The following ZC3H12D variants were observed in gnomAD, a reference collection of about 807,000 sequenced individuals.
ZC3H12D encodes the protein zinc finger CCCH-type containing 12D.
A neutral mutation model predicts 24.2 loss-of-function variants in ZC3H12D; 11 were observed. The observed-to-expected ratio is 0.46, with a 90% CI of 0.29 to 0.75. The LOEUF is 0.75. Ranked by LOEUF, ZC3H12D falls within the 30% of genes least tolerant of loss-of-function variation. The probability of loss-of-function intolerance (pLI) is 0.11; values close to 1 mark genes in which losing one functional copy is unlikely to be tolerated. For missense variants in ZC3H12D, 740 were observed against 767.7 expected (o/e 0.96, Z 0.43); for synonymous variants, 333 against 341.8 (o/e 0.97, Z 0.28).
rs182579747 is a variant in ZC3H12D at position 149,463,499 on chromosome 6, A to T, written c.306-1529T>A. Among the ~76,000 whole-genome samples the T allele has an allele frequency of 2.6e-5, 4 of 152,314 alleles. No homozygotes were observed. In the East Asian group the frequency reaches 7.7e-4, roughly 29 times the overall value. On this transcript the variant is annotated intron_variant, in intron 2 of 5. Coordinates refer to ENST00000409806, the MANE Select transcript of ZC3H12D (RefSeq NM_207360.3). ...GCCGAGGCAGGTGGATCATGAGGTCAGGAGATCAAGACCATCCTGGCCAAC... is the reference window on the plus strand; with the variant it reads ...GCCGAGGCAGGTGGATCATGAGGTCTGGAGATCAAGACCATCCTGGCCAAC...
chr6:149,473,134 G>GAA (rs34279229), intron 2 of ZC3H12D, among the ~76,000 whole-genome samples: 8 of 46,130 alleles, frequency 1.7e-4, no homozygotes, highest in Non-Finnish European at 2.6e-4. Flanking sequence ...GGTTAAAAGT[G>GAA]AAAAAAAAAA....
intron 1 of ZC3H12D, among the ~76,000 whole-genome samples, chr6:149,481,099 C>T (rs913839144): frequency 6.6e-6 from 1 of 150,542 alleles, no homozygotes; most frequent in African/African-American, 2.5e-5. Context: ...AGCCCAAAGG[C>T]TTCCAGTCAG....
At chr6:149,463,546 T>C (rs1032415223) in intron 2 of ZC3H12D, among the ~76,000 whole-genome samples, 1 of 152,098 alleles carries the variant, frequency 6.6e-6, no homozygotes, top group Non-Finnish European at 1.5e-5. Context: ...CTGTCTCTAC[T>C]AAAAATACAA....
chr6:149,474,833 GGCA>G (rs1184700138), intron 1 of ZC3H12D, among the ~76,000 whole-genome samples: 4 of 152,194 alleles, frequency 2.6e-5, no homozygotes, highest in Admixed American at 6.5e-5. Flanking sequence ...CACACTGCCC[GGCA>G]GGGCACACAC....
rs1348191897 is a variant in ZC3H12D, at chr6:149,450,060, C to T, written c.*623G>A. 1.3e-5 allele frequency: 2 copies of T among 152,240 alleles called. No individual in the cohort carries two copies. The highest frequency in any genetic ancestry group is 2.9e-5 in the Non-Finnish European group (2 of 68,114). 9.4% of individuals were successfully genotyped at this position (152,240 alleles called of 1,614,324 possible). ...TAGGACAGCCACACAATTCAGAGCA[C>T]AGGAGAGCCCACACCTGGAGGCTGG... On this transcript the variant is annotated 3_prime_UTR_variant, in exon 6 of 6. Transcript: ENST00000409806.
chr6:149,447,291 T>G lies in ZC3H12D; in HGVS notation c.*3392A>C, dbSNP rs992703286. ...CAGAGTCTCACTCTGTCGCTCAGGC[T>G]GGAGTGCAGAGCGCAGTGGCACAGT... On this transcript the variant is annotated 3_prime_UTR_variant, in exon 6 of 6. Transcript: ENST00000409806. 6 of 152,266 alleles carry G rather than the reference T, an allele frequency of 3.9e-5. No homozygotes were observed. The highest frequency in any genetic ancestry group is 1.4e-4 in the African/African-American group (6 of 41,446). 9.4% of individuals were successfully genotyped at this position (152,266 alleles called of 1,614,324 possible).
At chr6:149,460,023 G>A (rs436645) in intron 3 of ZC3H12D, among the ~76,000 whole-genome samples, 55,406 of 152,170 alleles carry the variant, frequency 0.36, 10,626 homozygotes, top group African/African-American at 0.46. Flanking sequence ...TAGCCATCCT[G>A]ACCTTGTAGT....
chr6:149,464,022 T>C lies in ZC3H12D; in HGVS notation c.306-2052A>G, dbSNP rs1051519168. On this transcript the variant is annotated intron_variant, in intron 2 of 5. Transcript: ENST00000409806. ...AAACAGCTAGGGTTCAGTGGAGATGTCTGAGTGATTAAAGTTGTAGGCCGT... is the reference window on the plus strand; with the variant it reads ...AAACAGCTAGGGTTCAGTGGAGATGCCTGAGTGATTAAAGTTGTAGGCCGT... Among the ~76,000 whole-genome samples, 42 of 152,216 alleles carry C rather than the reference T, an allele frequency of 2.8e-4. 1 individual carries two copies. Among genetic ancestry groups the C allele is most frequent in the African/African-American group, 3.6e-4 (15 of 41,464 alleles).
At chr6:149,464,550 G>A (rs1374403382) in intron 2 of ZC3H12D, among the ~76,000 whole-genome samples, 1 of 152,174 alleles carries the variant, frequency 6.6e-6, no homozygotes, top group South Asian at 2.1e-4. Context: ...GCACCCTCCC[G>A]CTCCTTCCTG....
intron 2 of ZC3H12D, among the ~76,000 whole-genome samples, chr6:149,472,147 T>C (rs1776254681): frequency 6.6e-6 from 1 of 152,076 alleles, no homozygotes; most frequent in African/African-American, 2.4e-5. Context: ...CTGTTAAAAG[T>C]CCCATTGGAG....
At chr6:149,476,418 C>T (rs145530924) in intron 1 of ZC3H12D, among the ~76,000 whole-genome samples, 1,571 of 152,150 alleles carry the variant, frequency 0.01, 35 homozygotes, top group African/African-American at 0.036. Flanking sequence ...GCAGGAGACT[C>T]GCTGGAACCT....
intron 1 of ZC3H12D, among the ~76,000 whole-genome samples, chr6:149,482,398 A>C (rs1045617915): frequency 6.6e-5 from 10 of 152,216 alleles, no homozygotes; most frequent in Admixed American, 5.9e-4. Flanking sequence ...ACTTCATTTC[A>C]GTTTCCTTCC....
At chr6:149,451,867 G>A (rs992488210) in intron 5 of ZC3H12D, among the ~76,000 whole-genome samples, 2 of 152,248 alleles carry the variant, frequency 1.3e-5, no homozygotes, top group Non-Finnish European at 2.9e-5. Flanking sequence ...GGGAGCGGGC[G>A]GTAGGGAGTG....
intron 3 of ZC3H12D, among the ~76,000 whole-genome samples, chr6:149,458,124 G>GATTCTTTTTTT (rs1776015126): frequency 5.3e-5 from 2 of 37,606 alleles, no homozygotes; most frequent in African/African-American, 1.9e-4. Context: ...TTTTTTTTTC[G>GATTCTTTTTTT]TTTCTTTTTT....
At chr6:149,478,135 C>T (rs889878195) in intron 1 of ZC3H12D, among the ~76,000 whole-genome samples, 4 of 149,474 alleles carry the variant, frequency 2.7e-5, no homozygotes, top group African/African-American at 5.0e-5. Context: ...CCACTGCACT[C>T]CAGCCTGGGC....
intron 1 of ZC3H12D, among the ~76,000 whole-genome samples, chr6:149,480,970 G>A (rs895680363): frequency 1.3e-5 from 2 of 151,662 alleles, no homozygotes; most frequent in Non-Finnish European, 2.9e-5. Flanking sequence ...CCTCCTCCCT[G>A]ACTGGTGACC....
rs546023898 is a variant in ZC3H12D at position 149,451,181 on chromosome 6, G to A, written c.1086C>T (p.Leu362=). The A allele has an allele frequency of 1.3e-4, 166 of 1,313,116 alleles. 3 individuals are homozygous for A. The South Asian group carries it at 2.8e-3, about 22-fold the overall frequency. 81.3% of individuals were successfully genotyped at this position (1,313,116 alleles called of 1,614,324 possible). A position where few individuals can be genotyped will look rare whatever the true frequency, so the allele number is the denominator to read the frequency against. ...GCGTGAGGCTGCAGGCGGGGACCGG[G>A]AGAGGCGGCCCCAGGGGCCCCAGGT... ...SDDLGPLGPP[L]PVPACSLTPR... Residue 362 remains leucine, a synonymous_variant, in exon 6 of 6, where the codon CTC becomes CTT. Coordinates refer to ENST00000409806, the MANE Select transcript of ZC3H12D (RefSeq NM_207360.3).
intron 2 of ZC3H12D, among the ~76,000 whole-genome samples, chr6:149,473,099 G>T (rs1287309772): frequency 6.6e-6 from 1 of 150,974 alleles, no homozygotes; most frequent in Non-Finnish European, 1.5e-5. Flanking sequence ...CCTGCTGATG[G>T]CATCAATGCC....
chr6:149,467,183 A>G (rs1348718013), intron 2 of ZC3H12D, among the ~76,000 whole-genome samples: 1 of 152,198 alleles, frequency 6.6e-6, no homozygotes, highest in Non-Finnish European at 1.5e-5. Flanking sequence ...ACTCAGTGCA[A>G]TTCCTGAATA....
Sources: allele counts gnomAD v4.1 joint callset (sites outside exome capture counted in the v4.1 genomes callset), GRCh38; gene constraint gnomAD v4.1.1; transcripts MANE v1.5; gene names NCBI Gene and HGNC (gene_info 2026-07-23, HGNC 2026-07-21).